ALB: variants seen among roughly 807,000 people sequenced by gnomAD.
ALB encodes the protein serum albumin.
A neutral mutation model predicts 74.5 loss-of-function variants in ALB; 37 were observed. That is an observed-to-expected ratio of 0.50 (90% confidence interval 0.38 to 0.65). The LOEUF (loss-of-function observed/expected upper bound fraction) is 0.65, where lower values mean the gene tolerates loss of function less well. Ranked by LOEUF, ALB falls within the 30% of genes least tolerant of loss-of-function variation. The probability of loss-of-function intolerance (pLI) is 0.00; values close to 1 mark genes in which losing one functional copy is unlikely to be tolerated. For synonymous variants in ALB, 249 were observed against 251.6 expected (o/e 0.99, Z 0.10); for missense variants, 685 against 718.7 (o/e 0.95, Z 0.54).
intron 13 of ALB, 34 bp from the exon 14 acceptor site, chr4:73,420,220 A>G (rs1719110154): frequency 1.9e-6 from 3 of 1,595,224 alleles, no homozygotes; most frequent in Non-Finnish European, 2.6e-6. Flanking sequence ...TAATGCTAAT[A>G]TTTTCCTAAC....
Position 73,411,993 on chromosome 4 carries a change from T to C in ALB, c.714-3T>C. 1 of 1,614,170 alleles carries C rather than the reference T, an allele frequency of 6.2e-7. No homozygotes were observed. Among genetic ancestry groups the C allele is most frequent in the Non-Finnish European group, 8.5e-7 (1 of 1,180,002 alleles). On this transcript the variant is annotated splice_region_variant and splice_polypyrimidine_tract_variant and intron_variant, in intron 6 of 14. Transcript: ENST00000295897. ...CCATTTTGATTGGCGATTTTCTTTT[T>C]AGGGCAGTAGCTCGCCTGAGCCAGA... is the stretch of plus-strand genomic sequence containing the variant.
At chr4:73,404,911 GT>G (rs1718678637) in intron 1 of ALB, 3 of 589,674 alleles carry the variant, frequency 5.1e-6, no homozygotes, top group Non-Finnish European at 9.0e-6. Context: ...TTTTAAAATA[GT>G]ATTCTTGGTA....
Position 73,417,735 on chromosome 4 carries a change from C to T in ALB, c.1428+66C>T, listed in dbSNP as rs372441517. ...ATTTTACCTTTAGATATTGATAATGCTAGCTTTCATAAGCAGAAGGAAGTA... is the reference window on the plus strand; with the variant it reads ...ATTTTACCTTTAGATATTGATAATGTTAGCTTTCATAAGCAGAAGGAAGTA... On this transcript the variant is annotated intron_variant, in intron 11 of 14. Coordinates refer to ENST00000295897, the MANE Select transcript of ALB (RefSeq NM_000477.7). 21 of 1,375,550 alleles carry T rather than the reference C, an allele frequency of 1.5e-5. No individual in the cohort carries two copies. In the African/African-American group the frequency reaches 3.1e-4, roughly 20 times the overall value. The allele number at this position is 1,375,550 out of a possible 1,614,324, so 85.2% of individuals were successfully genotyped here.
At position 73,419,463 on chromosome 4, in the gene ALB, A is replaced by G. The variant is rs567950279; in HGVS notation, c.1653-44A>G. On this transcript the variant is annotated intron_variant, in intron 12 of 14. Coordinates refer to ENST00000295897, the MANE Select transcript of ALB (RefSeq NM_000477.7). Reference sequence around the variant, plus strand: ...CTCTCCATTTTTCTATACGTGAGTAATGTTTTTTCTGTTTTTTTTTTTTCT... The same window carrying G: ...CTCTCCATTTTTCTATACGTGAGTAGTGTTTTTTCTGTTTTTTTTTTTTCT... 11 of 1,586,908 alleles carry G rather than the reference A, an allele frequency of 6.9e-6. No individual in the cohort carries two copies. The South Asian group carries it at 1.1e-4, about 16-fold the overall frequency.
intron 7 of ALB, among the ~76,000 whole-genome samples, chr4:73,413,022 G>T (rs1216978865): frequency 6.6e-6 from 1 of 151,978 alleles, no homozygotes; most frequent in African/African-American, 2.4e-5. Context: ...TGTAAGCAGG[G>T]CCTATGACTA....
At position 73,418,131 on chromosome 4, in the gene ALB, C is replaced by T. The variant is rs776185501; in HGVS notation, c.1472C>T (p.Thr491Met). ...LNQLCVLHEK[T>M]PVSDRVTKCC... ...CAGTTATGTGTGTTGCATGAGAAAACGCCAGTAAGTGACAGAGTCACCAAA... is the reference window on the plus strand; with the variant it reads ...CAGTTATGTGTGTTGCATGAGAAAATGCCAGTAAGTGACAGAGTCACCAAA... The change falls in exon 12 of 15, where the codon ACG becomes ATG. Residue 491 changes from threonine (T) to methionine (M), a missense_variant. Transcript: ENST00000295897. 56 of 1,614,024 alleles carry T rather than the reference C, an allele frequency of 3.5e-5. No homozygotes were observed. The highest frequency in any genetic ancestry group is 1.6e-4 in the East Asian group (7 of 44,896).
chr4:73,414,984 T>A, intron 8 of ALB, 51 bp from the exon 9 acceptor site: 2 of 1,601,836 alleles, frequency 1.2e-6, no homozygotes, highest in Non-Finnish European at 8.6e-7. Flanking sequence ...TTTGTGATAT[T>A]TTTTGTGCTC....
intron 9 of ALB, among the ~76,000 whole-genome samples, chr4:73,415,790 C>T (rs1359782208): frequency 6.6e-6 from 1 of 152,074 alleles, no homozygotes; most frequent in East Asian, 1.9e-4. Flanking sequence ...TTTTGGAGAG[C>T]CTGGAATCTA....
intron 7 of ALB, chr4:73,412,331 T>C (rs930890738): frequency 3.2e-6 from 2 of 627,640 alleles, no homozygotes; most frequent in African/African-American, 1.8e-5. Flanking sequence ...ACCCATTCAC[T>C]GATTTGTAAC....
In ALB at chr4:73,421,132, C is replaced by A; in HGVS notation, c.*64C>A. The A allele has an allele frequency of 1.4e-6, 1 of 697,044 alleles. No homozygotes were observed. The highest frequency in any genetic ancestry group is 2.6e-6 in the Non-Finnish European group (1 of 382,774). The allele number at this position is 697,044 out of a possible 1,614,324, so 43.2% of individuals were successfully genotyped here. ...AGAGAAAGAAAATGAAGATCAAAAGCTTATTCATCTGTTTTTCTTTTTCGT... is the reference window on the plus strand; with the variant it reads ...AGAGAAAGAAAATGAAGATCAAAAGATTATTCATCTGTTTTTCTTTTTCGT... On this transcript the variant is annotated 3_prime_UTR_variant, in exon 15 of 15. Transcript: ENST00000295897.
At chr4:73,416,140 T>A in intron 9 of ALB, 116 bp from the exon 10 acceptor site, 1 of 740,982 alleles carries the variant, frequency 1.3e-6, no homozygotes, top group Non-Finnish European at 2.4e-6. Flanking sequence ...TATTCATCTA[T>A]TCATGTGGCT....
rs1560857335 is a variant in ALB at position 73,413,401 on chromosome 4, T to C, written c.844-19T>C. ...CAATGTCAATTCGTGTTGAACAATT[T>C]CCACCAACTTACTTATAGGCGGACC... is the stretch of plus-strand genomic sequence containing the variant. On this transcript the variant is annotated intron_variant, in intron 7 of 14. Transcript: ENST00000295897. 1.2e-6 allele frequency: 2 copies of C among 1,602,128 alleles called. No individual in the cohort carries two copies. Among genetic ancestry groups the C allele is most frequent in the Admixed American group, 3.3e-5 (2 of 60,002 alleles).
intron 5 of ALB, 39 bp from the exon 6 acceptor site, chr4:73,410,273 T>G: frequency 1.3e-6 from 2 of 1,544,726 alleles, no homozygotes; most frequent in Non-Finnish European, 1.8e-6. Context: ...TCATGTAGAA[T>G]TTTTCTTCTA....
In ALB at chr4:73,421,458, AT is replaced by A. The variant is rs1305769288; in HGVS notation, c.*392del. ...AAAATAATATTTTGACATTATGATA[AT>A]TCTGAATAAAAGAACAAAAACCATG... On this transcript the variant is annotated 3_prime_UTR_variant, in exon 15 of 15. Transcript: ENST00000295897. The A allele has an allele frequency of 5.6e-6, 1 of 179,832 alleles. No homozygotes were observed. Among genetic ancestry groups the A allele is most frequent in the Non-Finnish European group, 1.2e-5 (1 of 86,628 alleles). The allele number at this position is 179,832 out of a possible 1,614,324, so 11.1% of individuals were successfully genotyped here.
At chr4:73,412,791 A>G (rs552465678) in intron 7 of ALB, among the ~76,000 whole-genome samples, 1 of 152,334 alleles carries the variant, frequency 6.6e-6, no homozygotes, top group Admixed American at 6.5e-5. Context: ...GAAGGTCACT[A>G]CTTGAAGAGA....
At chr4:73,420,354 C>T in intron 14 of ALB, 33 bp downstream of exon 14, 1 of 1,379,848 alleles carries the variant, frequency 7.2e-7, no homozygotes, top group South Asian at 1.2e-5. Flanking sequence ...AAAAAAGTAA[C>T]TATAATAGTT....
In ALB at chr4:73,406,768, A is replaced by C. The variant is rs766195754; in HGVS notation, c.270+7A>C. ...AAATTGTGACAAATCACTTGTAAGT[A>C]CATTCTAATTGTGGAGATTCTTTCT... On this transcript the variant is annotated splice_region_variant and intron_variant, in intron 3 of 14. Coordinates refer to ENST00000295897, the MANE Select transcript of ALB (RefSeq NM_000477.7). The C allele has an allele frequency of 6.2e-7, 1 of 1,613,606 alleles. No homozygotes were observed. The highest frequency in any genetic ancestry group is 2.2e-5 in the East Asian group (1 of 44,794).
intron 11 of ALB, 119 bp downstream of exon 11, chr4:73,417,788 T>C: frequency 1.0e-6 from 1 of 965,484 alleles, no homozygotes; most frequent in South Asian, 1.7e-5. Flanking sequence ...TTTGTGTGCA[T>C]GTGTGTGTGC....
chr4:73,417,759 T>A, intron 11 of ALB, 90 bp downstream of exon 11: 1 of 1,229,428 alleles, frequency 8.1e-7, no homozygotes, highest in Non-Finnish European at 1.1e-6. Flanking sequence ...CAGAAGGAAG[T>A]AATGTGTGTG....
Sources: gnomAD v4.1 joint callset for allele counts (sites outside exome capture counted in the v4.1 genomes callset) on GRCh38, gnomAD v4.1.1 for gene constraint, MANE v1.5 for transcripts, NCBI Gene and HGNC (gene_info 2026-07-23, HGNC 2026-07-21) for gene names.